Variants in HDAC8 observed in about 807,000 individuals in gnomAD.
HDAC8 encodes histone deacetylase 8.
A neutral mutation model predicts 32.2 loss-of-function variants in HDAC8; 1 was observed. The ratio of observed to expected loss-of-function variants is 0.03; its 90% CI spans 0.01 to 0.15. HDAC8 has a LOEUF of 0.15. Among genes scored for constraint, HDAC8 ranks in the 10% least tolerant of loss-of-function variants. HDAC8 has a pLI of 1.00. For synonymous variants in HDAC8, 108 were observed against 113.9 expected (o/e 0.95, Z 0.33); for missense variants, 117 against 300.0 (o/e 0.39, Z 4.51).
At chrX:72,570,363 T>G (rs1432232509) in intron 2 of HDAC8, among the ~76,000 whole-genome samples, 1 of 112,167 alleles carries the variant, frequency 8.9e-6, no homozygotes, top group Non-Finnish European at 1.9e-5. Flanking sequence ...CTTTGATATC[T>G]TGTTTGTCAT....
chrX:72,491,203 C>A (rs978860547), intron 5 of HDAC8, among the ~76,000 whole-genome samples, 197 bp from the exon 6 acceptor site: 1 of 111,621 alleles, frequency 9.0e-6, no homozygotes, highest in Admixed American at 9.5e-5. Flanking sequence ...AGAACTTTGG[C>A]CCCAAGTGAA....
Position 72,509,443 on chromosome X carries a change from T to C in HDAC8, c.438-14175A>G, listed in dbSNP as rs143596634. 6.2e-3 allele frequency among the ~76,000 whole-genome samples: 692 copies of C among 112,070 alleles called. 4 individuals are homozygous for C. Among genetic ancestry groups the C allele is most frequent in the African/African-American group, 0.022 (670 of 30,871 alleles). ...AAATTTTTAAGTATACAATGCAGTATTGTTAACTATAGGTGCTATGCTGTA... is the reference window on the plus strand; with the variant it reads ...AAATTTTTAAGTATACAATGCAGTACTGTTAACTATAGGTGCTATGCTGTA... On this transcript the variant is annotated intron_variant, in intron 4 of 10. Coordinates refer to ENST00000373573, the MANE Select transcript of HDAC8 (RefSeq NM_018486.3).
At chrX:72,417,851 G>A (rs2046387193) in intron 9 of HDAC8, among the ~76,000 whole-genome samples, 1 of 111,420 alleles carries the variant, frequency 9.0e-6, no homozygotes, top group Non-Finnish European at 1.9e-5. Context: ...AAACAGCATG[G>A]TACTGGTATA....
Position 72,515,552 on chromosome X carries a change from AT to A in HDAC8, c.438-20285del, listed in dbSNP as rs781818825. Among the ~76,000 whole-genome samples the A allele has an allele frequency of 5.2e-3, 400 of 77,319 alleles. 2 individuals are homozygous for A. Among genetic ancestry groups the A allele is most frequent in the African/African-American group, 0.021 (379 of 18,475 alleles). The allele number at this position is 77,319 out of a possible 115,157, so 67.1% of individuals were successfully genotyped here. ...CTGGGAATAATGATGAACAGGACAG[AT>A]AATACCTCATTCTCAAGGATCTTTC... On this transcript the variant is annotated intron_variant, in intron 4 of 10. Coordinates refer to ENST00000373573, the MANE Select transcript of HDAC8 (RefSeq NM_018486.3).
chrX:72,500,122 T>C (rs1178190578), intron 4 of HDAC8, among the ~76,000 whole-genome samples: 2 of 111,257 alleles, frequency 1.8e-5, no homozygotes, highest in African/African-American at 3.3e-5. Context: ...AGCTCCAGAA[T>C]TGAATCAGTA....
intron 9 of HDAC8, among the ~76,000 whole-genome samples, chrX:72,413,192 G>A (rs2046244187): frequency 9.2e-6 from 1 of 108,796 alleles, no homozygotes; most frequent in South Asian, 4.1e-4. Flanking sequence ...ATGTATACAT[G>A]TGCCATGTTG....
intron 4 of HDAC8, among the ~76,000 whole-genome samples, chrX:72,529,422 T>C (rs2050260229): frequency 9.0e-6 from 1 of 111,552 alleles, no homozygotes; most frequent in Non-Finnish European, 1.9e-5. Context: ...AGAAGCTATG[T>C]TGCTAGCTTT....
intron 4 of HDAC8, among the ~76,000 whole-genome samples, chrX:72,550,671 A>G (rs2051037096): frequency 9.0e-6 from 1 of 111,540 alleles, no homozygotes; most frequent in South Asian, 3.8e-4. Flanking sequence ...GGTTTGAAAA[A>G]CACTGCACTA....
chrX:72,512,432 A>T (rs1321645029), intron 4 of HDAC8, among the ~76,000 whole-genome samples: 2 of 111,596 alleles, frequency 1.8e-5, no homozygotes, highest in East Asian at 2.8e-4. Flanking sequence ...ACACATTTTT[A>T]AAAATGCATA....
intron 7 of HDAC8, among the ~76,000 whole-genome samples, chrX:72,476,005 A>G (rs189989489): frequency 9.0e-6 from 1 of 111,448 alleles, no homozygotes; most frequent in Admixed American, 9.6e-5. Context: ...AATTCTACTC[A>G]TCAATTACGT....
chrX:72,506,393 C>G (rs2049392538), intron 4 of HDAC8, among the ~76,000 whole-genome samples: 1 of 111,577 alleles, frequency 9.0e-6, no homozygotes, highest in Non-Finnish European at 1.9e-5. Flanking sequence ...TGCTTCCATT[C>G]ATGGCAGAAA....
rs1408853383 is a variant in HDAC8 at position 72,383,895 on chromosome X, G to T, written c.1006-32057C>A. ...AAAAAAAAAAAAAAAAAAAAAAGAG[G>T]TAGCCTTTTCCCCTTTGTCTCAGTG... On this transcript the variant is annotated intron_variant, in intron 9 of 10. Transcript: ENST00000373573. Among the ~76,000 whole-genome samples, 6 of 107,947 alleles carry T rather than the reference G, an allele frequency of 5.6e-5. No individual in the cohort carries two copies. In the Admixed American group the frequency reaches 5.9e-4, roughly 11 times the overall value. The allele number at this position is 107,947 out of a possible 115,157, so 93.7% of individuals were successfully genotyped here.
intron 9 of HDAC8, among the ~76,000 whole-genome samples, chrX:72,398,183 G>A (rs782450647): frequency 1.8e-5 from 2 of 111,773 alleles, no homozygotes; most frequent in African/African-American, 6.5e-5. Flanking sequence ...GGTTTCTTTC[G>A]TCATTTATTG....
intron 9 of HDAC8, among the ~76,000 whole-genome samples, chrX:72,436,593 A>C (rs1555979284): frequency 9.1e-6 from 1 of 110,455 alleles, no homozygotes; most frequent in Non-Finnish European, 1.9e-5. Context: ...TTCTCTAAAC[A>C]GAAAGGAAAT....
intron 7 of HDAC8, among the ~76,000 whole-genome samples, chrX:72,465,757 G>C (rs2048002042): frequency 9.0e-6 from 1 of 111,671 alleles, no homozygotes; most frequent in Non-Finnish European, 1.9e-5. Context: ...AATTACACCA[G>C]TGCAGCAAGA....
intron 4 of HDAC8, among the ~76,000 whole-genome samples, chrX:72,504,598 A>T (rs782345016): frequency 1.8e-5 from 2 of 111,730 alleles, no homozygotes; most frequent in African/African-American, 6.5e-5. Flanking sequence ...CTGTTGACGA[A>T]TGGGTAACAT....
intron 4 of HDAC8, among the ~76,000 whole-genome samples, chrX:72,514,770 C>T (rs957611610): frequency 2.8e-4 from 31 of 111,492 alleles, no homozygotes; most frequent in Admixed American, 9.5e-4. Flanking sequence ...TTTCGGCCTC[C>T]GAAAGTCTGT....
At chrX:72,332,797 A>G (rs1428988343) in intron 10 of HDAC8, among the ~76,000 whole-genome samples, 4 of 110,351 alleles carry the variant, frequency 3.6e-5, no homozygotes, top group East Asian at 5.7e-4. Flanking sequence ...GATTACAGGC[A>G]TGTGCCACCA....
At chrX:72,393,908 A>G (rs1555964740) in intron 9 of HDAC8, among the ~76,000 whole-genome samples, 1 of 111,216 alleles carries the variant, frequency 9.0e-6, no homozygotes, top group African/African-American at 3.3e-5. Context: ...AGCCTAGGGG[A>G]GGTACTAACC....
Sources: allele counts gnomAD v4.1 joint callset (sites outside exome capture counted in the v4.1 genomes callset), GRCh38; gene constraint gnomAD v4.1.1; transcripts MANE v1.5; gene names NCBI Gene and HGNC (gene_info 2026-07-23, HGNC 2026-07-21).